PGR: variants seen among roughly 807,000 people sequenced by gnomAD.
PGR encodes the protein nuclear receptor subfamily 3 group C member 3.
PGR carries 25 observed loss-of-function variants against 76.1 expected under a neutral mutation model. The observed-to-expected ratio is 0.33, with a 90% CI of 0.24 to 0.46. The LOEUF is 0.46. Ranked by LOEUF, PGR falls within the 20% of genes least tolerant of loss-of-function variation. The pLI, the probability that PGR is intolerant of heterozygous loss-of-function variation, is 1.00. For missense variants in PGR, 1,172 were observed against 1,225.3 expected, an observed-to-expected ratio of 0.96 and a Z score of 0.65; for synonymous variants, 579 against 535.0, an observed-to-expected ratio of 1.08 and a Z score of -1.14.
chr11:101,084,522 G>A (rs533940065), intron 3 of PGR, among the ~76,000 whole-genome samples: 1 of 152,224 alleles, frequency 6.6e-6, no homozygotes, highest in South Asian at 2.1e-4. Context: ...GCCAGCCGTG[G>A]TGGCAGGTGC....
At chr11:101,109,781 C>T (rs1158146290) in intron 2 of PGR, among the ~76,000 whole-genome samples, 1 of 152,180 alleles carries the variant, frequency 6.6e-6, no homozygotes, top group Non-Finnish European at 1.5e-5. Context: ...AAACAGTCTT[C>T]TCTTGGAAAA....
At chr11:101,090,036 TA>T (rs1565353106) in intron 3 of PGR, among the ~76,000 whole-genome samples, 1 of 152,014 alleles carries the variant, frequency 6.6e-6, no homozygotes, top group Non-Finnish European at 1.5e-5. Flanking sequence ...CCATCTCTAC[TA>T]AAATACAAAA....
At chr11:101,112,523 G>A (rs188867646) in intron 2 of PGR, among the ~76,000 whole-genome samples, 1 of 152,226 alleles carries the variant, frequency 6.6e-6, no homozygotes, top group East Asian at 1.9e-4. Context: ...GATGGTGGTA[G>A]CAATTTCAGA....
intron 2 of PGR, among the ~76,000 whole-genome samples, chr11:101,123,730 C>A (rs1464267701): frequency 6.6e-5 from 10 of 152,160 alleles, no homozygotes; most frequent in Admixed American, 6.5e-4. Context: ...TATTTCAACC[C>A]ATAACCACCT....
At chr11:101,059,967 A>C (rs996819506) in intron 4 of PGR, among the ~76,000 whole-genome samples, 3 of 152,116 alleles carry the variant, frequency 2.0e-5, no homozygotes, top group Non-Finnish European at 4.4e-5. Flanking sequence ...GTAGACAAAG[A>C]AGAAATGAGA....
At chr11:101,119,887 A>G (rs1862623864) in intron 2 of PGR, among the ~76,000 whole-genome samples, 1 of 152,202 alleles carries the variant, frequency 6.6e-6, no homozygotes, top group Non-Finnish European at 1.5e-5. Flanking sequence ...TTAGAGTCAG[A>G]CCTCCTGAAT....
intron 3 of PGR, among the ~76,000 whole-genome samples, chr11:101,084,822 T>C (rs1306808700): frequency 6.6e-6 from 1 of 152,152 alleles, no homozygotes; most frequent in Non-Finnish European, 1.5e-5. Flanking sequence ...GAGCAGGGGT[T>C]GCTATTCTTA....
chr11:101,049,039 C>A (rs1859993117), intron 6 of PGR, among the ~76,000 whole-genome samples: 1 of 152,022 alleles, frequency 6.6e-6, no homozygotes. Flanking sequence ...TGCCACCGTG[C>A]CTGGCTTTCT....
intron 3 of PGR, among the ~76,000 whole-genome samples, chr11:101,065,001 A>G (rs1860664329): frequency 6.6e-6 from 1 of 152,222 alleles, no homozygotes; most frequent in East Asian, 1.9e-4. Context: ...CTAGGTGTGT[A>G]GTAGGCTATA....
intron 3 of PGR, among the ~76,000 whole-genome samples, chr11:101,079,057 G>T (rs554325032): frequency 9.0e-4 from 137 of 152,112 alleles, no homozygotes; most frequent in Non-Finnish European, 1.8e-3. Flanking sequence ...AATAAATGCT[G>T]CTGGGAAAAC....
chr11:101,096,017 A>G (rs1357541085), intron 2 of PGR, among the ~76,000 whole-genome samples: 5 of 152,224 alleles, frequency 3.3e-5, no homozygotes, highest in African/African-American at 1.2e-4. Context: ...TCTGGTATGA[A>G]GAGACTGATG....
At chr11:101,100,962 C>T (rs1861979696) in intron 2 of PGR, among the ~76,000 whole-genome samples, 1 of 152,124 alleles carries the variant, frequency 6.6e-6, no homozygotes, top group Admixed American at 6.6e-5. Flanking sequence ...GGTCTCTTCA[C>T]TGAAAATGCC....
At chr11:101,104,718 C>T (rs766350928) in intron 2 of PGR, among the ~76,000 whole-genome samples, 77 of 152,154 alleles carry the variant, frequency 5.1e-4, no homozygotes, top group Admixed American at 2.8e-3. Flanking sequence ...CCTTATGACA[C>T]TCAGTCTTGC....
rs1378623195 is a variant in PGR, at chr11:101,127,945, G to A, written c.1126C>T (p.Leu376Phe). ...DAEPKDDAYP[L>F]YSDFQPPALK... ...GCGGGCGGCTGGAAGTCGCTATAGAGAGGGTACGCGTCGTCCTTGGGCTCG... is the reference window on the plus strand; with the variant it reads ...GCGGGCGGCTGGAAGTCGCTATAGAAAGGGTACGCGTCGTCCTTGGGCTCG... Residue 376 changes from leucine to phenylalanine, a missense_variant, in exon 1 of 8, where the codon CTC (leucine) becomes TTC (phenylalanine). This residue lies in a region of PGR where 893 missense variants were observed against 785.9 expected (regional missense o/e 1.14). Coordinates refer to ENST00000325455, the MANE Select transcript of PGR (RefSeq NM_000926.4). 4.3e-6 allele frequency: 7 copies of A among 1,611,860 alleles called. No individual in the cohort carries two copies. The Admixed American group carries it at 8.3e-5, about 19-fold the overall frequency.
intron 3 of PGR, among the ~76,000 whole-genome samples, chr11:101,069,492 CA>C (rs1425102311): frequency 6.6e-6 from 1 of 152,110 alleles, no homozygotes; most frequent in Non-Finnish European, 1.5e-5. Context: ...CCATTTGACC[CA>C]GTAATCCCAT....
chr11:101,074,000 C>T (rs1291222004), intron 3 of PGR, among the ~76,000 whole-genome samples: 1 of 151,982 alleles, frequency 6.6e-6, no homozygotes, highest in Non-Finnish European at 1.5e-5. Context: ...ATCCTGACAC[C>T]AAAACCCGGC....
chr11:101,067,937 C>T (rs666553), intron 3 of PGR, among the ~76,000 whole-genome samples: 24,648 of 151,854 alleles, frequency 0.16, 2,299 homozygotes, highest in African/African-American at 0.25. Context: ...AAAAATCCTA[C>T]AGAATAATAT....
At position 101,062,505 on chromosome 11, in the gene PGR, A is replaced by G. The variant is rs1860538582; in HGVS notation, c.2154T>C (p.Leu718=). The G allele has an allele frequency of 6.2e-7, 1 of 1,613,934 alleles. No homozygotes were observed. The highest frequency in any genetic ancestry group is 8.5e-7 in the Non-Finnish European group (1 of 1,179,922). The change falls in exon 4 of 8, where the codon CTT becomes CTC. Residue 718 remains leucine (L), a synonymous_variant. Coordinates refer to ENST00000325455, the MANE Select transcript of PGR (RefSeq NM_000926.4). Reference sequence around the variant, plus strand: ...GAAGTTGCCTCTCGCCTAGTTGATTAAGACTTGTCAGCAAAGAACTGGAGG... The same window carrying G: ...GAAGTTGCCTCTCGCCTAGTTGATTGAGACTTGTCAGCAAAGAACTGGAGG... ...PDTSSSLLTS[L]NQLGERQLLS...
At chr11:101,109,914 A>G (rs1862292151) in intron 2 of PGR, among the ~76,000 whole-genome samples, 1 of 152,214 alleles carries the variant, frequency 6.6e-6, no homozygotes, top group Non-Finnish European at 1.5e-5. Flanking sequence ...GTTAAAGCCA[A>G]TCCTCATTTA....
Sources: gnomAD v4.1 joint callset for allele counts (sites outside exome capture counted in the v4.1 genomes callset) on GRCh38, gnomAD v4.1.1 for gene constraint, gnomAD v4.1.1 regional missense constraint, MANE v1.5 for transcripts, NCBI Gene and HGNC (gene_info 2026-07-23, HGNC 2026-07-21) for gene names.